PADI2: variants seen among roughly 807,000 people sequenced by gnomAD.
PADI2 encodes protein-arginine deiminase type-2.
A neutral mutation model predicts 81.1 loss-of-function variants in PADI2; 70 were observed. The observed-to-expected ratio is 0.86, with a 90% CI of 0.71 to 1.05. The LOEUF (loss-of-function observed/expected upper bound fraction) is 1.05. PADI2 is among the 50% of genes least tolerant of loss of function. The pLI, the probability that PADI2 is intolerant of heterozygous loss-of-function variation, is 0.00. For synonymous variants in PADI2, 338 were observed against 358.0 expected, an observed-to-expected ratio of 0.94 and a Z score of 0.63; for missense variants, 853 against 889.9, an observed-to-expected ratio of 0.96 and a Z score of 0.53.
intron 13 of PADI2, among the ~76,000 whole-genome samples, chr1:17,071,934 T>A (rs910233): frequency 6.6e-6 from 1 of 151,760 alleles, no homozygotes; most frequent in Admixed American, 6.6e-5. Context: ...GCCTGCGTTT[T>A]CCTCCTGTAC....
chr1:17,108,921 G>C (rs972174002), intron 1 of PADI2, among the ~76,000 whole-genome samples: 1 of 152,216 alleles, frequency 6.6e-6, no homozygotes, highest in Non-Finnish European at 1.5e-5. Flanking sequence ...TTCCTCTCCT[G>C]CAAGTCTCAG....
chr1:17,090,897 A>G (rs1158962925), intron 6 of PADI2, among the ~76,000 whole-genome samples: 1 of 152,056 alleles, frequency 6.6e-6, no homozygotes, highest in Non-Finnish European at 1.5e-5. Context: ...ATGTCCAGAC[A>G]TCATTATTTG....
rs2078365696 is a variant in PADI2 at position 17,083,849 on chromosome 1, G to C, written c.939-12C>G. The C allele has an allele frequency of 3.2e-6, 5 of 1,539,356 alleles. No individual in the cohort carries two copies. The highest frequency in any genetic ancestry group is 4.5e-6 in the Non-Finnish European group (5 of 1,112,122). ...AATTATCCTTCATGCTGAGAAGTTG[G>C]GGGAAGAAGGAGAGGCCAGGAGAAA... On this transcript the variant is annotated splice_polypyrimidine_tract_variant and intron_variant, in intron 8 of 15. Transcript: ENST00000375486.
intron 7 of PADI2, among the ~76,000 whole-genome samples, chr1:17,084,997 C>T (rs1019939220): frequency 4.6e-5 from 7 of 152,214 alleles, no homozygotes; most frequent in African/African-American, 1.7e-4. Flanking sequence ...TGTGCTTGAC[C>T]ACATGGTAGG....
Position 17,092,420 on chromosome 1 carries a change from A to G in PADI2, c.643T>C (p.Phe215Leu). 6.2e-7 allele frequency: 1 copy of G among 1,606,956 alleles called. No individual in the cohort carries two copies. ...TGGGATCACTCACTCTCCACGTAGA[A>G]CACGCCCACTTTGTCTGAGTCTGAC... ...SMSDSDKVGV[F>L]YVENPFFGQR... Residue 215 changes from phenylalanine (F) to leucine (L), a missense_variant, in exon 6 of 16, where the codon TTC (phenylalanine) becomes CTC (leucine). Transcript: ENST00000375486.
chr1:17,087,177 G>T (rs1355843238), intron 6 of PADI2, among the ~76,000 whole-genome samples: 6 of 152,100 alleles, frequency 3.9e-5, no homozygotes, highest in Admixed American at 3.3e-4. Flanking sequence ...AACCATAAAT[G>T]TGCCCATTAT....
Position 17,119,397 on chromosome 1 carries a change from G to T in PADI2, c.-26C>A. 1.3e-6 allele frequency: 2 copies of T among 1,511,364 alleles called. No individual in the cohort carries two copies. Among genetic ancestry groups the T allele is most frequent in the East Asian group, 2.7e-5 (1 of 36,406 alleles). The allele number at this position is 1,511,364 out of a possible 1,614,324, so 93.6% of individuals were successfully genotyped here. On this transcript the variant is annotated 5_prime_UTR_variant, in exon 1 of 16. Coordinates refer to ENST00000375486, the MANE Select transcript of PADI2 (RefSeq NM_007365.3). The surrounding 1 kb of genome is among the most constrained non-coding windows in gnomAD (Gnocchi z 4.8). ...CCTCCCCGCCGCAGTGCCCGCGCTC[G>T]CTGGTCCGGGGCGGCCGGGAGCACC...
At chr1:17,081,030 C>T (rs1295208783) in intron 10 of PADI2, among the ~76,000 whole-genome samples, 1 of 152,216 alleles carries the variant, frequency 6.6e-6, no homozygotes, top group Non-Finnish European at 1.5e-5. Context: ...AGCACAAAGC[C>T]GGGCCTGGCC....
intron 14 of PADI2, among the ~76,000 whole-genome samples, chr1:17,071,071 T>G (rs1013588662): frequency 1.3e-5 from 2 of 152,224 alleles, no homozygotes; most frequent in African/African-American, 4.8e-5. Flanking sequence ...CCCAAAGTTC[T>G]GAGATTACAG....
At chr1:17,105,260 C>T (rs1171679432) in intron 1 of PADI2, among the ~76,000 whole-genome samples, 199 bp from the exon 2 acceptor site, 1 of 152,090 alleles carries the variant, frequency 6.6e-6, no homozygotes, top group Non-Finnish European at 1.5e-5. Flanking sequence ...CATGCTGGTG[C>T]ACACCTGTGG....
chr1:17,074,731 G>A (rs2078288800), intron 13 of PADI2, 125 bp downstream of exon 13: 1 of 612,370 alleles, frequency 1.6e-6, no homozygotes, highest in Non-Finnish European at 2.9e-6. Context: ...CCCCCGATCG[G>A]GCCAGACACC....
chr1:17,082,630 ATG>A lies in PADI2; in HGVS notation c.1071_1072del (p.Ile358ArgfsTer5), dbSNP rs775636907. On this transcript the variant is annotated frameshift_variant, in exon 10 of 16. Transcript: ENST00000375486. LOFTEE classifies it high-confidence loss of function. ...GGGGAAGCCTTTATGGGGGGCCTCG[ATG>A]TAGCCAAACTCAATTTCATCCTGCA... The A allele has an allele frequency of 6.2e-7, 1 of 1,608,084 alleles. No individual in the cohort carries two copies. Among genetic ancestry groups the A allele is most frequent in the South Asian group, 1.1e-5 (1 of 90,624 alleles).
intron 10 of PADI2, among the ~76,000 whole-genome samples, chr1:17,082,216 T>A (rs2078349507): frequency 6.6e-6 from 1 of 152,198 alleles, no homozygotes; most frequent in Admixed American, 6.5e-5. Context: ...CTATGTTTTT[T>A]TCCTCTTTGA....
At chr1:17,105,199 C>T in intron 1 of PADI2, 138 bp from the exon 2 acceptor site, 1 of 535,868 alleles carries the variant, frequency 1.9e-6, no homozygotes. Context: ...TTGAGACCAG[C>T]CTGGACAACA....
chr1:17,095,921 G>C lies in PADI2; in HGVS notation c.399C>G (p.Asn133Lys). 1 of 1,608,550 alleles carries C rather than the reference G, an allele frequency of 6.2e-7. No individual in the cohort carries two copies. Among genetic ancestry groups the C allele is most frequent in the Non-Finnish European group, 8.5e-7 (1 of 1,177,486 alleles). Residue 133 changes from asparagine to lysine, a missense_variant, in exon 4 of 16, where the codon AAC becomes AAG. Coordinates refer to ENST00000375486, the MANE Select transcript of PADI2 (RefSeq NM_007365.3). ...GAAAGCTAGGTACCTTCTTTGGGTT[G>C]TTCTTCTCCACCACACCATCCCGGT... ...DADRDGVVEKNNPKKASWTWG... is the reference protein window; with the variant it reads ...DADRDGVVEKKNPKKASWTWG...
chr1:17,085,984 C>T (rs74831764), intron 7 of PADI2, among the ~76,000 whole-genome samples: 14 of 152,218 alleles, frequency 9.2e-5, no homozygotes, highest in Admixed American at 9.2e-4. Context: ...AGGACCTCTT[C>T]TCCTCATCCA....
chr1:17,082,804 A>G (rs1348458135), intron 9 of PADI2, 152 bp from the exon 10 acceptor site: 2 of 587,678 alleles, frequency 3.4e-6, no homozygotes, highest in South Asian at 4.1e-5. Flanking sequence ...CCTCACACTG[A>G]TGATGGCAGC....
At chr1:17,090,328 A>G (rs1930641488) in intron 6 of PADI2, among the ~76,000 whole-genome samples, 2 of 152,316 alleles carry the variant, frequency 1.3e-5, no homozygotes, top group Admixed American at 1.3e-4. Context: ...GTCAGAGATG[A>G]GCACCCCAAG....
At chr1:17,101,339 C>T (rs901206756) in intron 3 of PADI2, among the ~76,000 whole-genome samples, 1 of 152,128 alleles carries the variant, frequency 6.6e-6, no homozygotes, top group Non-Finnish European at 1.5e-5. Flanking sequence ...TGCAGTCAGC[C>T]TTCTGGGATC....
Sources: allele counts gnomAD v4.1 joint callset (sites outside exome capture counted in the v4.1 genomes callset), GRCh38; gene constraint gnomAD v4.1.1; non-coding constraint Gnocchi (gnomAD v3.1); transcripts MANE v1.5; gene names NCBI Gene and HGNC (gene_info 2026-07-23, HGNC 2026-07-21).